Variants in DMD observed in about 807,000 individuals in gnomAD.
DMD encodes mutant dystrophin.
DMD carries 63 observed loss-of-function variants against 330.1 expected under a neutral mutation model. The observed-to-expected ratio is 0.19, with a 90% CI of 0.16 to 0.24. The LOEUF (loss-of-function observed/expected upper bound fraction) is 0.24, where lower values mean the gene tolerates loss of function less well. Among genes scored for constraint, DMD ranks in the 10% least tolerant of loss-of-function variants. DMD has a pLI of 1.00. For synonymous variants in DMD, 1,223 were observed against 959.8 expected, an observed-to-expected ratio of 1.27 and a Z score of -5.07; for missense variants, 3,344 against 2,684.1, an observed-to-expected ratio of 1.25 and a Z score of -5.43.
In DMD at chrX:32,346,149, A is replaced by T. The variant is rs2097763200; in HGVS notation, c.5449-69T>A. ...AAGCTGTACATTGTTAACAGAGATA[A>T]TAAGACATGTTATTTAAACACACAC... On this transcript the variant is annotated intron_variant, in intron 38 of 78. Coordinates refer to ENST00000357033, the MANE Select transcript of DMD (RefSeq NM_004006.3). 3 of 1,096,216 alleles carry T rather than the reference A, an allele frequency of 2.7e-6. No homozygotes were observed. In the Admixed American group the frequency reaches 6.7e-5, roughly 25 times the overall value. 90.3% of individuals were successfully genotyped at this position (1,096,216 alleles called of 1,213,427 possible).
chrX:31,625,073 T>G (rs1334829020), intron 55 of DMD, among the ~76,000 whole-genome samples: 1 of 112,089 alleles, frequency 8.9e-6, no homozygotes, highest in Non-Finnish European at 1.9e-5. Flanking sequence ...CTCCGAGTCT[T>G]TCATCAAAAG....
chrX:32,297,749 A>T (rs1177777730), intron 42 of DMD, among the ~76,000 whole-genome samples: 1 of 111,965 alleles, frequency 8.9e-6, no homozygotes, highest in Non-Finnish European at 1.9e-5. Flanking sequence ...GCAGGGAAGG[A>T]AGAAATGAAG....
chrX:31,297,736 TA>T (rs1603316288), intron 62 of DMD, among the ~76,000 whole-genome samples: 1 of 112,246 alleles, frequency 8.9e-6, no homozygotes, highest in African/African-American at 3.2e-5. Flanking sequence ...ACAGAAAACC[TA>T]AAAAAGTTCT....
chrX:31,877,999 G>T (rs925864837), intron 47 of DMD, among the ~76,000 whole-genome samples: 1 of 111,408 alleles, frequency 9.0e-6, no homozygotes, highest in Non-Finnish European at 1.9e-5. Flanking sequence ...TCATGAAATT[G>T]TTCACGTTTC....
intron 17 of DMD, among the ~76,000 whole-genome samples, chrX:32,534,727 TCTC>T (rs763757818): frequency 9.0e-6 from 1 of 111,192 alleles, no homozygotes; most frequent in South Asian, 3.8e-4. Flanking sequence ...AGGGCCCTAA[TCTC>T]CTCAGAAGAG....
chrX:31,416,077 CAT>C lies in DMD; in HGVS notation c.9084+28402_9084+28403del, dbSNP rs913277596. Among the ~76,000 whole-genome samples, 4 of 112,097 alleles carry C rather than the reference CAT, an allele frequency of 3.6e-5. No homozygotes were observed. The Admixed American group carries it at 3.8e-4, about 11-fold the overall frequency. ...CTGTAATTAATTTTAAATATCTCAA[CAT>C]AGATAGTTGGATATTTTATATGTGC... is the stretch of plus-strand genomic sequence containing the variant. On this transcript the variant is annotated intron_variant, in intron 60 of 78. Transcript: ENST00000357033.
intron 30 of DMD, among the ~76,000 whole-genome samples, chrX:32,400,217 A>C (rs2147781902): frequency 8.9e-6 from 1 of 111,873 alleles, no homozygotes; most frequent in African/African-American, 3.2e-5. Context: ...TGAGATAATC[A>C]TGTGGTTTTT....
At chrX:32,775,929 A>T (rs971117285) in intron 7 of DMD, among the ~76,000 whole-genome samples, 3 of 112,431 alleles carry the variant, frequency 2.7e-5, no homozygotes, top group Non-Finnish European at 5.6e-5. Flanking sequence ...TTTAAAGAAA[A>T]GTTCCCATTT....
At chrX:31,503,602 T>C (rs1249185478) in intron 56 of DMD, among the ~76,000 whole-genome samples, 4 of 111,583 alleles carry the variant, frequency 3.6e-5, no homozygotes, top group Admixed American at 9.6e-5. Flanking sequence ...AAGTGTAAAT[T>C]AGAATAGTAT....
chrX:33,228,638 A>C (rs2052333974), intron 1 of DMD, among the ~76,000 whole-genome samples: 1 of 109,723 alleles, frequency 9.1e-6, no homozygotes, highest in African/African-American at 3.3e-5. Context: ...ATACATTAGA[A>C]AAGATAAAGT....
chrX:31,141,237 A>AACAACAACAAC (rs770172375), intron 76 of DMD, among the ~76,000 whole-genome samples: 168 of 105,986 alleles, frequency 1.6e-3, no homozygotes, highest in African/African-American at 5.5e-3. Context: ...ACAACAACAA[A>AACAACAACAAC]ACCAGAATGA....
At chrX:31,198,241 T>C in intron 67 of DMD, among the ~76,000 whole-genome samples, 1 of 111,471 alleles carries the variant, frequency 9.0e-6, no homozygotes, top group Non-Finnish European at 1.9e-5. Flanking sequence ...AGGGTCTCAC[T>C]ATGCTGTCCA....
At chrX:31,514,165 T>C (rs1465396816) in intron 55 of DMD, among the ~76,000 whole-genome samples, 3 of 112,032 alleles carry the variant, frequency 2.7e-5, no homozygotes, top group African/African-American at 6.5e-5. Context: ...TAGCAGTGGA[T>C]AGAGATGCAT....
chrX:32,763,474 G>A (rs2072582569), intron 7 of DMD, among the ~76,000 whole-genome samples: 1 of 111,848 alleles, frequency 8.9e-6, no homozygotes, highest in Non-Finnish European at 1.9e-5. Flanking sequence ...CTGCTTTAGT[G>A]TATTCATATG....
intron 27 of DMD, among the ~76,000 whole-genome samples, chrX:32,445,833 A>G (rs1358049129): frequency 1.8e-5 from 2 of 111,427 alleles, no homozygotes; most frequent in Non-Finnish European, 3.8e-5. Context: ...AAATATTGAG[A>G]AATGGAAAAT....
intron 76 of DMD, among the ~76,000 whole-genome samples, chrX:31,138,353 C>T (rs1222800645): frequency 9.0e-6 from 1 of 111,462 alleles, no homozygotes; most frequent in African/African-American, 3.3e-5. Flanking sequence ...CAACAGCTGA[C>T]TGATACACTA....
At chrX:31,746,497 T>C (rs2087848033) in intron 51 of DMD, among the ~76,000 whole-genome samples, 1 of 112,236 alleles carries the variant, frequency 8.9e-6, no homozygotes, top group Non-Finnish European at 1.9e-5. Flanking sequence ...TCTTGTGTGA[T>C]TAAAGCAATG....
chrX:32,578,703 G>C (rs1054851619), intron 13 of DMD, among the ~76,000 whole-genome samples: 3 of 111,745 alleles, frequency 2.7e-5, no homozygotes, highest in South Asian at 3.7e-4. Flanking sequence ...ACTGGAGCCA[G>C]GGATAGAATA....
chrX:33,162,835 A>C (rs1479067676), intron 1 of DMD, among the ~76,000 whole-genome samples: 2 of 110,774 alleles, frequency 1.8e-5, no homozygotes, highest in African/African-American at 6.6e-5. Context: ...CTTGTGTAAG[A>C]AATTCATATC....
Sources: gnomAD v4.1 joint callset for allele counts (sites outside exome capture counted in the v4.1 genomes callset) on GRCh38, gnomAD v4.1.1 for gene constraint, MANE v1.5 for transcripts, NCBI Gene and HGNC (gene_info 2026-07-23, HGNC 2026-07-21) for gene names.